Variants in FBN3 observed in about 807,000 individuals in gnomAD.
FBN3 encodes fibrillin-3.
A neutral mutation model predicts 330.1 loss-of-function variants in FBN3; 234 were observed. That is an observed-to-expected ratio of 0.71 (90% confidence interval 0.64 to 0.79). FBN3 has a LOEUF of 0.79. Among genes scored for constraint, FBN3 ranks in the 30% least tolerant of loss-of-function variants. The pLI is 0.00. For synonymous variants in FBN3, 1,458 were observed against 1,517.3 expected (o/e 0.96, Z 0.91); for missense variants, 3,606 against 3,886.9 (o/e 0.93, Z 1.92).
At position 8,149,229 on chromosome 19, in the gene FBN3, C is replaced by G. The variant is rs1413576301; in HGVS notation, c.-18+220G>C. On this transcript the variant is annotated intron_variant, in intron 1 of 63. Transcript: ENST00000600128. The surrounding 1 kb of genome is among the most constrained non-coding windows in gnomAD (Gnocchi z 5.5). The stretch of plus-strand genomic sequence containing the variant: ...CTCACCTGTGGGGTCAGGGGCCCCG[C>G]GCCCCGGCCGAGCCCCTCCCGCCGG... Among the ~76,000 whole-genome samples, 1 of 151,744 alleles carries G rather than the reference C, an allele frequency of 6.6e-6. No homozygotes were observed. Among genetic ancestry groups the G allele is most frequent in the African/African-American group, 2.4e-5 (1 of 41,360 alleles).
chr19:8,119,133 A>C (rs1599385649), intron 25 of FBN3, 111 bp from the exon 26 acceptor site: 1 of 1,303,334 alleles, frequency 7.7e-7, no homozygotes, highest in Non-Finnish European at 1.0e-6. Flanking sequence ...CCTTCACCCC[A>C]GCGGGAGCCA....
In FBN3 at chr19:8,096,986, T is replaced by G. The variant is rs762360720; in HGVS notation, c.5308A>C (p.Arg1770=). 6.2e-7 allele frequency: 1 copy of G among 1,613,544 alleles called. No homozygotes were observed. The highest frequency in any genetic ancestry group is 8.5e-7 in the Non-Finnish European group (1 of 1,180,006). Residue 1770 remains arginine (R), a synonymous_variant, in exon 43 of 64, where the codon AGG becomes CGG. Transcript: ENST00000600128. This position sits in a 1 kb window ranked among gnomAD's most constrained non-coding sequence, Gnocchi z 4.6. ...GCATTCTGCTGGCAGGGACTCTCCC[T>G]GCTGCCACACTCATCGACATCTGGG... ...ACEDVDECGS[R]ESPCQQNADC...
Position 8,131,437 on chromosome 19 carries a change from G to T in FBN3, c.1990+117C>A. 6.8e-7 allele frequency: 1 copy of T among 1,470,336 alleles called. No homozygotes were observed. The highest frequency in any genetic ancestry group is 9.3e-7 in the Non-Finnish European group (1 of 1,075,816). The allele number at this position is 1,470,336 out of a possible 1,614,324, so 91.1% of individuals were successfully genotyped here. A position where few individuals can be genotyped will look rare whatever the true frequency, so the allele number is the denominator to read the frequency against. On this transcript the variant is annotated intron_variant, in intron 15 of 63. Coordinates refer to ENST00000600128, the MANE Select transcript of FBN3 (RefSeq NM_032447.5). The surrounding 1 kb of genome is among the most constrained non-coding windows in gnomAD (Gnocchi z 4.5). ...CCCGGGGAGGGAGCAACTCCCTTCAGCCTCTTTTTGGGAAGAGCCCCCACT... is the reference window on the plus strand; with the variant it reads ...CCCGGGGAGGGAGCAACTCCCTTCATCCTCTTTTTGGGAAGAGCCCCCACT...
chr19:8,122,713 G>C (rs1397878529), intron 24 of FBN3, among the ~76,000 whole-genome samples: 4 of 150,320 alleles, frequency 2.7e-5, no homozygotes, highest in Admixed American at 2.0e-4. Flanking sequence ...CGCCCAGGCT[G>C]GAGTGCAGTG....
Position 8,096,215 on chromosome 19 carries a change from C to T in FBN3, c.5540-135G>A, listed in dbSNP as rs985339868. ...TAGATGACTGGGCAGTGACCCCTGGCGGTGATGGCTGGGAAGTACTCCTGG... is the reference window on the plus strand; with the variant it reads ...TAGATGACTGGGCAGTGACCCCTGGTGGTGATGGCTGGGAAGTACTCCTGG... On this transcript the variant is annotated intron_variant, in intron 44 of 63. Transcript: ENST00000600128. The surrounding 1 kb of genome is among the most constrained non-coding windows in gnomAD (Gnocchi z 4.6). 2.8e-5 allele frequency: 24 copies of T among 866,766 alleles called. No individual in the cohort carries two copies. The highest frequency in any genetic ancestry group is 1.7e-4 in the East Asian group (7 of 40,468). The allele number at this position is 866,766 out of a possible 1,614,324, so 53.7% of individuals were successfully genotyped here.
At chr19:8,114,125 G>C (rs995032070) in intron 30 of FBN3, among the ~76,000 whole-genome samples, 1 of 152,114 alleles carries the variant, frequency 6.6e-6, no homozygotes, top group African/African-American at 2.4e-5. Context: ...GAACAGCAAG[G>C]AGGCATGGAA....
chr19:8,138,996 G>C (rs951325929), intron 8 of FBN3, among the ~76,000 whole-genome samples: 4 of 151,738 alleles, frequency 2.6e-5, no homozygotes, highest in African/African-American at 9.7e-5. Flanking sequence ...AAAGATTGCA[G>C]TGAGCTGAGA....
rs934914416 is a variant in FBN3 at position 8,103,573 on chromosome 19, T to C, written c.4928A>G (p.Asn1643Ser). ...PAEYLQVNGG[N>S]NCMDMRKSVC... ...ATCACGCTTCTTACCCATGCAGTTGTTGCCACCATTGACTTGGAGGTACTC... is the reference window on the plus strand; with the variant it reads ...ATCACGCTTCTTACCCATGCAGTTGCTGCCACCATTGACTTGGAGGTACTC... Residue 1643 changes from asparagine (N) to serine (S), a missense_variant, in exon 39 of 64, where the codon AAC becomes AGC. Physicochemically the swap from Asn to Ser is conservative, Grantham distance 46 (BLOSUM62 1). Transcript: ENST00000600128. The C allele has an allele frequency of 4.6e-5, 75 of 1,613,334 alleles. No individual in the cohort carries two copies. The highest frequency in any genetic ancestry group is 6.3e-5 in the Non-Finnish European group (74 of 1,179,618).
chr19:8,086,898 G>A lies in FBN3; in HGVS notation c.6754+179C>T, dbSNP rs563658542. 7.2e-5 allele frequency among the ~76,000 whole-genome samples: 11 copies of A among 151,764 alleles called. No homozygotes were observed. In the South Asian group the frequency reaches 1.7e-3, roughly 23 times the overall value. ...CTCCCACTGCCTGTCCCCCCCCACT[G>A]CCTGTCCCTCCCATTCATTGAAGCC... On this transcript the variant is annotated intron_variant, in intron 54 of 63. Coordinates refer to ENST00000600128, the MANE Select transcript of FBN3 (RefSeq NM_032447.5).
chr19:8,079,614 TTTC>T (rs2081727200), intron 59 of FBN3, among the ~76,000 whole-genome samples: 1 of 146,134 alleles, frequency 6.8e-6, no homozygotes, highest in African/African-American at 2.6e-5. Context: ...GTTTGTTTGT[TTTC>T]GAGACAGAGT....
intron 40 of FBN3, among the ~76,000 whole-genome samples, chr19:8,102,041 T>C (rs8113458): frequency 0.24 from 36,774 of 151,916 alleles, 5,340 homozygotes; most frequent in East Asian, 0.5. Context: ...CTCGTGATAG[T>C]GAATAAATCT....
chr19:8,088,326 T>G, intron 51 of FBN3, 147 bp from the exon 52 acceptor site: 1 of 947,758 alleles, frequency 1.1e-6, no homozygotes, highest in Non-Finnish European at 1.5e-6. Flanking sequence ...GCAAGCGGTA[T>G]GTGTTTAGTG....
At chr19:8,077,850 G>A (rs1568359327) in intron 59 of FBN3, among the ~76,000 whole-genome samples, 1 of 152,146 alleles carries the variant, frequency 6.6e-6, no homozygotes, top group African/African-American at 2.4e-5. Context: ...GCCGAGATGG[G>A]CAGATTGCTT....
At chr19:8,087,046 C>G (rs1045499116) in intron 54 of FBN3, 31 bp downstream of exon 54, 2 of 1,596,926 alleles carry the variant, frequency 1.3e-6, no homozygotes, top group Non-Finnish European at 1.7e-6. Context: ...CAAGGAGTTT[C>G]CTGCACCCAT....
At position 8,090,461 on chromosome 19, in the gene FBN3, AGTT is replaced by A. The variant is rs577583793; in HGVS notation, c.6032-213_6032-211del. Among the ~76,000 whole-genome samples the A allele has an allele frequency of 1.7e-3, 225 of 135,284 alleles. 1 individual carries two copies. The East Asian group carries it at 0.035, about 21-fold the overall frequency. The allele number at this position is 135,284 out of a possible 152,430, so 88.8% of individuals were successfully genotyped here. A position where few individuals can be genotyped will look rare whatever the true frequency, so the allele number is the denominator to read the frequency against. ...CAATGAGGATCTGCCCTGGGTTTTTAGTTGTTGTTGTTGGTGGTGGTGGTGGTT... is the reference window on the plus strand; with the variant it reads ...CAATGAGGATCTGCCCTGGGTTTTTAGTTGTTGTTGGTGGTGGTGGTGGTT... On this transcript the variant is annotated intron_variant, in intron 48 of 63. Transcript: ENST00000600128.
In FBN3 at chr19:8,108,159, CA is replaced by C; in HGVS notation, c.4687+10del. 1 of 1,611,240 alleles carries C rather than the reference CA, an allele frequency of 6.2e-7. No homozygotes were observed. Among genetic ancestry groups the C allele is most frequent in the Admixed American group, 1.7e-5 (1 of 59,280 alleles). ...GCAGACAGATGGATGGATGATCTGC[CA>C]GGAACTCACCTTCCAGAATGACAGT... On this transcript the variant is annotated intron_variant, in intron 37 of 63. Coordinates refer to ENST00000600128, the MANE Select transcript of FBN3 (RefSeq NM_032447.5).
At chr19:8,103,512 C>T in intron 39 of FBN3, 50 bp downstream of exon 39, 1 of 1,591,814 alleles carries the variant, frequency 6.3e-7, no homozygotes, top group African/African-American at 1.3e-5. Flanking sequence ...CTCCCATGCC[C>T]AGGTGCTGCT....
chr19:8,133,203 C>T, intron 13 of FBN3, 97 bp from the exon 14 acceptor site: 1 of 1,398,850 alleles, frequency 7.1e-7, no homozygotes, highest in Non-Finnish European at 9.4e-7. Context: ...CAGGATCCCT[C>T]CCTGGAGTGT....
intron 48 of FBN3, among the ~76,000 whole-genome samples, 192 bp from the exon 49 acceptor site, chr19:8,090,443 G>A (rs187863764): frequency 6.6e-6 from 1 of 151,496 alleles, no homozygotes; most frequent in East Asian, 1.9e-4. Flanking sequence ...GGCCAATGAG[G>A]ATCTGCCCTG....
Sources: gnomAD v4.1 joint callset for allele counts (sites outside exome capture counted in the v4.1 genomes callset) on GRCh38, gnomAD v4.1.1 for gene constraint, Gnocchi (gnomAD v3.1) non-coding constraint, MANE v1.5 for transcripts, NCBI Gene and HGNC (gene_info 2026-07-23, HGNC 2026-07-21) for gene names.